The following CCDC7 variants were observed in gnomAD, a reference collection of about 807,000 sequenced individuals.
CCDC7 encodes coiled-coil domain containing 7.
In CCDC7, 183 loss-of-function variants were observed where a neutral mutation model predicts 196.9. The observed-to-expected ratio is 0.93, with a 90% confidence interval of 0.82 to 1.05. The LOEUF (loss-of-function observed/expected upper bound fraction) is 1.05, where lower values mean the gene tolerates loss of function less well. Among genes scored for constraint, CCDC7 ranks in the 50% least tolerant of loss-of-function variants. CCDC7 has a pLI of 0.00. For missense variants in CCDC7, 1,540 were observed against 1,482.2 expected, an observed-to-expected ratio of 1.04 and a Z score of -0.64; for synonymous variants, 525 against 484.6, an observed-to-expected ratio of 1.08 and a Z score of -1.10.
intron 31 of CCDC7, among the ~76,000 whole-genome samples, chr10:32,815,914 T>C (rs1229614191): frequency 1.3e-5 from 2 of 152,152 alleles, no homozygotes; most frequent in Admixed American, 6.5e-5. Flanking sequence ...CAGCTCCCAG[T>C]GTGAGCAACG....
chr10:32,652,012 G>C (rs1044104980), intron 20 of CCDC7, among the ~76,000 whole-genome samples: 1 of 152,132 alleles, frequency 6.6e-6, no homozygotes, highest in Admixed American at 6.5e-5. Context: ...TGAAAGTGTA[G>C]TGTTGAATTC....
At chr10:32,520,189 A>G (rs542398889) in intron 11 of CCDC7, among the ~76,000 whole-genome samples, 135 of 152,236 alleles carry the variant, frequency 8.9e-4, no homozygotes, top group Non-Finnish European at 9.1e-4. Context: ...GGGAGTGCAG[A>G]TGTCTCTTTG....
chr10:32,648,192 T>A (rs1166970772), intron 20 of CCDC7, among the ~76,000 whole-genome samples: 11 of 152,218 alleles, frequency 7.2e-5, no homozygotes. Context: ...ATTGTGTGTC[T>A]GTTTTTGTAC....
chr10:32,874,783 C>CACACACACACACACAT (rs753626170), intron 41 of CCDC7, among the ~76,000 whole-genome samples: 37 of 143,432 alleles, frequency 2.6e-4, no homozygotes, highest in Admixed American at 5.0e-4. Context: ...CACACACACA[C>CACACACACACACACAT]ATATATACAC....
chr10:32,854,459 A>G, exon 41 of CCDC7: 1 of 1,604,398 alleles, frequency 6.2e-7, no homozygotes, highest in Non-Finnish European at 8.5e-7. Context: ...GCCTACTGTG[A>G]CCAATACAGT....
At chr10:32,755,507 A>T (rs1237333789) in intron 28 of CCDC7, among the ~76,000 whole-genome samples, 1 of 152,162 alleles carries the variant, frequency 6.6e-6, no homozygotes, top group East Asian at 1.9e-4. Context: ...GTGGACCTCA[A>T]GCAAACTCCA....
chr10:32,814,412 T>C (rs1359089992), exon 31 of CCDC7: 5 of 1,612,294 alleles, frequency 3.1e-6, no homozygotes, highest in Non-Finnish European at 4.2e-6. Context: ...GGAAGAGATA[T>C]ACTAAAGGAT....
chr10:32,676,567 GCAAACACTTCT>G (rs2075014577), intron 21 of CCDC7, among the ~76,000 whole-genome samples: 1 of 152,184 alleles, frequency 6.6e-6, no homozygotes, highest in Admixed American at 6.5e-5. Context: ...AAGGACATGA[GCAAACACTTCT>G]CAAAAGAAGA....
At chr10:32,506,620 G>C (rs1005364804) in intron 9 of CCDC7, among the ~76,000 whole-genome samples, 14 of 152,212 alleles carry the variant, frequency 9.2e-5, no homozygotes, top group Admixed American at 7.9e-4. Flanking sequence ...GGGAGGCCGA[G>C]GGGGGCAGAT....
At chr10:32,510,304 T>A (rs2045906328) in intron 9 of CCDC7, among the ~76,000 whole-genome samples, 1 of 152,198 alleles carries the variant, frequency 6.6e-6, no homozygotes, top group Non-Finnish European at 1.5e-5. Flanking sequence ...AGGTGTAGGC[T>A]AAAATGCACA....
Position 32,558,331 on chromosome 10 carries a change from TTAGG to T in CCDC7, c.1135-7223_1135-7220del, listed in dbSNP as rs1316535099. Among the ~76,000 whole-genome samples the T allele has an allele frequency of 5.6e-4, 85 of 152,340 alleles. No homozygotes were observed. The Middle Eastern group carries it at 0.014, about 24-fold the overall frequency. On this transcript the variant is annotated intron_variant, in intron 13 of 41. Transcript: ENST00000639629. ...TCGATTTAAAATGTAAATTCTATGT[TTAGG>T]TAGCAGCTCACATTGCATTTTAGTT...
chr10:32,488,194 C>T (rs369977300), intron 8 of CCDC7, among the ~76,000 whole-genome samples: 1 of 152,244 alleles, frequency 6.6e-6, no homozygotes, highest in Non-Finnish European at 1.5e-5. Flanking sequence ...GCGGGCGCCC[C>T]TCCCTCAGCC....
intron 23 of CCDC7, among the ~76,000 whole-genome samples, chr10:32,692,337 G>A (rs905314692): frequency 1.2e-4 from 19 of 152,172 alleles, no homozygotes; most frequent in Non-Finnish European, 2.5e-4. Flanking sequence ...TTGACTCACT[G>A]GATATCTTGG....
chr10:32,845,687 T>C, intron 35 of CCDC7, 61 bp downstream of exon 36: 4 of 1,459,102 alleles, frequency 2.7e-6, no homozygotes, highest in Non-Finnish European at 3.8e-6. Context: ...GGAGTTAAAT[T>C]AAGTGTGGAC....
At chr10:32,870,902 G>T (rs896428611) in intron 41 of CCDC7, among the ~76,000 whole-genome samples, 2 of 152,130 alleles carry the variant, frequency 1.3e-5, no homozygotes, top group South Asian at 2.1e-4. Context: ...TACATTTACT[G>T]ATTTGCGTAT....
Position 32,710,555 on chromosome 10 carries a change from A to G in CCDC7, c.2459-1065A>G, listed in dbSNP as rs140087427. Among the ~76,000 whole-genome samples, 3 of 152,290 alleles carry G rather than the reference A, an allele frequency of 2.0e-5. No individual in the cohort carries two copies. The East Asian group carries it at 5.8e-4, about 29-fold the overall frequency. ...CCACTGGTGTCCCTCAGAACCAAAA[A>G]GCTTATGTAAACAATCCGCTAGCAT... On this transcript the variant is annotated intron_variant, in intron 24 of 41. Coordinates refer to ENST00000639629, the Ensembl canonical transcript of CCDC7.
chr10:32,565,475 G>A, intron 13 of CCDC7, 83 bp from the exon 15 acceptor site: 1 of 1,424,914 alleles, frequency 7.0e-7, no homozygotes, highest in South Asian at 1.3e-5. Context: ...GTATCTATGG[G>A]TTTTGGAAAA....
At position 32,711,610 on chromosome 10, in the gene CCDC7, C is replaced by T; in HGVS notation, c.2459-10C>T. The T allele has an allele frequency of 1.3e-6, 2 of 1,540,074 alleles. No individual in the cohort carries two copies. Among genetic ancestry groups the T allele is most frequent in the South Asian group, 2.4e-5 (2 of 83,272 alleles). ...TTCTAGTAAGGGACTAAATTTCTCT[C>T]TTAACATAGCTCATGATGAAGAATC... On this transcript the variant is annotated splice_polypyrimidine_tract_variant and intron_variant, in intron 24 of 41. Transcript: ENST00000639629.
chr10:32,821,342 G>C (rs1391635610), intron 31 of CCDC7, among the ~76,000 whole-genome samples: 1 of 152,052 alleles, frequency 6.6e-6, no homozygotes, highest in East Asian at 1.9e-4. Flanking sequence ...GGAGAAATAG[G>C]AACACTTTTA....
Sources: gnomAD v4.1 joint callset for allele counts (sites outside exome capture counted in the v4.1 genomes callset) on GRCh38, gnomAD v4.1.1 for gene constraint, MANE v1.5 for transcripts, NCBI Gene and HGNC (gene_info 2026-07-23, HGNC 2026-07-21) for gene names.